Variants in RNF39 observed in about 807,000 individuals in gnomAD.
RNF39 encodes ring finger protein 39, also known as LTP (long-term potentiation) induced RING finger protein.
In RNF39, 25 loss-of-function variants were observed where a neutral mutation model predicts 29.2. The ratio of observed to expected loss-of-function variants is 0.86; its 90% CI spans 0.62 to 1.20. RNF39 has a LOEUF of 1.20. Ranked by LOEUF, RNF39 falls within the 50% of genes most tolerant of loss-of-function variation. RNF39 has a pLI of 0.00. For synonymous variants in RNF39, 219 were observed against 229.0 expected, an observed-to-expected ratio of 0.96 and a Z score of 0.40; for missense variants, 519 against 515.0, an observed-to-expected ratio of 1.01 and a Z score of -0.08.
chr6:30,073,240 ACTTCAAAT>A lies in RNF39; in HGVS notation c.387_394del (p.Phe130ProfsTer7), dbSNP rs778980162. 6 of 1,608,384 alleles carry A rather than the reference ACTTCAAAT, an allele frequency of 3.7e-6. No individual in the cohort carries two copies. The South Asian group carries it at 6.6e-5, about 18-fold the overall frequency. ...TGAATTAGATGACTTGGATGTTGGGACTTCAAATCTACACAGATGAGGGGAAGGGTCAG... is the reference window on the plus strand; with the variant it reads ...TGAATTAGATGACTTGGATGTTGGGACTACACAGATGAGGGGAAGGGTCAG... On this transcript the variant is annotated frameshift_variant and splice_region_variant, in exon 3 of 4. Coordinates refer to ENST00000244360, the MANE Select transcript of RNF39 (RefSeq NM_025236.4). LOFTEE classifies it high-confidence loss of function.
rs1159256195 is a variant in RNF39, at chr6:30,072,049, T to A, written c.479-358A>T. On this transcript the variant is annotated intron_variant, in intron 3 of 3. Transcript: ENST00000244360. The surrounding 1 kb of genome is among the most constrained non-coding windows in gnomAD (Gnocchi z 4.5). ...CGAGGGAGGAGTAAGGACTGATACC[T>A]CAATCTGCATCATCTGGGGTGGGGC... 6.6e-6 allele frequency among the ~76,000 whole-genome samples: 1 copy of A among 151,922 alleles called. No individual in the cohort carries two copies. Among genetic ancestry groups the A allele is most frequent in the Non-Finnish European group, 1.5e-5 (1 of 67,978 alleles).
Position 30,071,221 on chromosome 6 carries a change from C to G in RNF39, c.949G>C (p.Asp317His). ...RVAFYDGRSL[D>H]LLYAFQAPGP... Reference sequence around the variant, plus strand: ...GGCGCCTGGAAGGCGTAAAGCAGGTCGAGTGAGCGGCCGTCGTAGAAGGCC... The same window carrying G: ...GGCGCCTGGAAGGCGTAAAGCAGGTGGAGTGAGCGGCCGTCGTAGAAGGCC... Residue 317 changes from aspartate to histidine, a missense_variant, in exon 4 of 4, where the codon GAC (aspartate) becomes CAC (histidine). By Grantham distance (81) the Asp-to-His change is moderately conservative. Coordinates refer to ENST00000244360, the MANE Select transcript of RNF39 (RefSeq NM_025236.4). This position sits in a 1 kb window ranked among gnomAD's most constrained non-coding sequence, Gnocchi z 5.0. 6.6e-7 allele frequency: 1 copy of G among 1,513,304 alleles called. No individual in the cohort carries two copies. Among genetic ancestry groups the G allele is most frequent in the Non-Finnish European group, 8.8e-7 (1 of 1,134,206 alleles). 93.7% of individuals were successfully genotyped at this position (1,513,304 alleles called of 1,614,324 possible). A position where few individuals can be genotyped will look rare whatever the true frequency, so the allele number is the denominator to read the frequency against.
rs1477080317 is a variant in RNF39, at chr6:30,071,591, A to G, written c.579T>C (p.Pro193=). 6.8e-7 allele frequency: 1 copy of G among 1,469,542 alleles called. No homozygotes were observed. The highest frequency in any genetic ancestry group is 2.6e-5 in the Admixed American group (1 of 38,838). 91.0% of individuals were successfully genotyped at this position (1,469,542 alleles called of 1,614,324 possible). The change falls in exon 4 of 4, where the codon CCT becomes CCC. Residue 193 remains proline, a synonymous_variant. Coordinates refer to ENST00000244360, the MANE Select transcript of RNF39 (RefSeq NM_025236.4). The surrounding 1 kb of genome is among the most constrained non-coding windows in gnomAD (Gnocchi z 5.0). The part of the protein sequence containing the change: ...QLAPPGTPAP[P]DGPKRFDQLP... ...GCTGATCGAAGCGCTTGGGGCCGTC[A>G]GGGGGCGCGGGCGTCCCTGGTGGGG...
intron 2 of RNF39, 69 bp from the exon 3 acceptor site, chr6:30,073,317 C>T (rs1285589324): frequency 1.3e-6 from 2 of 1,484,898 alleles, no homozygotes; most frequent in Non-Finnish European, 9.4e-7. Context: ...ATACCCCACT[C>T]ACATCTCTGG....
chr6:30,075,408 G>C lies in RNF39; in HGVS notation c.178C>G (p.Pro60Ala), dbSNP rs906915243. ...AGGCCGCAGCAGGGACAGGCGGTGG[G>C]GGAAGCCTCGGTGCCGGTCGCCGGC... ...TPPATGTEAS[P>A]TACPCCGLPC... The change falls in exon 1 of 4, where the codon CCC (proline) becomes GCC (alanine). Residue 60 changes from proline (P) to alanine (A), a missense_variant. Pro to Ala is a conservative substitution (Grantham distance 27). Transcript: ENST00000244360. 6.4e-7 allele frequency: 1 copy of C among 1,558,228 alleles called. No individual in the cohort carries two copies. Among genetic ancestry groups the C allele is most frequent in the Non-Finnish European group, 8.7e-7 (1 of 1,155,162 alleles).
chr6:30,072,873 A>G lies in RNF39; in HGVS notation c.478+284T>C, dbSNP rs1419064777. 6.6e-6 allele frequency among the ~76,000 whole-genome samples: 1 copy of G among 152,208 alleles called. No homozygotes were observed. The highest frequency in any genetic ancestry group is 1.5e-5 in the Non-Finnish European group (1 of 68,026). On this transcript the variant is annotated intron_variant, in intron 3 of 3. Coordinates refer to ENST00000244360, the MANE Select transcript of RNF39 (RefSeq NM_025236.4). This position sits in a 1 kb window ranked among gnomAD's most constrained non-coding sequence, Gnocchi z 4.5. Reference sequence around the variant, plus strand: ...TGTGCAGACCTATCACCCAAAGAACATGTGAGGCTACCAGAGGCTAGGAGA... The same window carrying G: ...TGTGCAGACCTATCACCCAAAGAACGTGTGAGGCTACCAGAGGCTAGGAGA...
Position 30,075,409 on chromosome 6 carries a change from G to A in RNF39, c.177C>T (p.Ser59=). 1 of 1,558,374 alleles carries A rather than the reference G, an allele frequency of 6.4e-7. No individual in the cohort carries two copies. The highest frequency in any genetic ancestry group is 1.2e-5 in the South Asian group (1 of 85,982). Residue 59 remains serine, a synonymous_variant, in exon 1 of 4, where the codon TCC becomes TCT. Coordinates refer to ENST00000244360, the MANE Select transcript of RNF39 (RefSeq NM_025236.4). ...GTPPATGTEA[S]PTACPCCGLP... is the part of the protein sequence containing the mutation. ...GGCCGCAGCAGGGACAGGCGGTGGG[G>A]GAAGCCTCGGTGCCGGTCGCCGGCG...
At position 30,070,770 on chromosome 6, in the gene RNF39, T is replaced by G; in HGVS notation, c.*341A>C. The G allele has an allele frequency of 1.8e-6, 1 of 553,688 alleles. No homozygotes were observed. 34.3% of individuals were successfully genotyped at this position (553,688 alleles called of 1,614,324 possible). A position where few individuals can be genotyped will look rare whatever the true frequency, so the allele number is the denominator to read the frequency against. ...AAGTATTTGACCAGCAGAGCCTCTA[T>G]GTAGGAATCATGGTCACTTTACCAA... On this transcript the variant is annotated 3_prime_UTR_variant, in exon 4 of 4. Transcript: ENST00000244360.
Position 30,070,942 on chromosome 6 carries a change from A to T in RNF39, c.*169T>A. 1 of 727,134 alleles carries T rather than the reference A, an allele frequency of 1.4e-6. No homozygotes were observed. The highest frequency in any genetic ancestry group is 2.5e-6 in the Non-Finnish European group (1 of 403,544). The allele number at this position is 727,134 out of a possible 1,614,324, so 45.0% of individuals were successfully genotyped here. Reference sequence around the variant, plus strand: ...TTTGGTTTTGAGCAGGGACGTGGAAACGTGGAGACCAGGTGAGGTCTCATT... The same window carrying T: ...TTTGGTTTTGAGCAGGGACGTGGAATCGTGGAGACCAGGTGAGGTCTCATT... On this transcript the variant is annotated 3_prime_UTR_variant, in exon 4 of 4. Transcript: ENST00000244360.
rs150200836 is a variant in RNF39 at position 30,074,076 on chromosome 6, C to T, written c.364-598G>A. On this transcript the variant is annotated intron_variant, in intron 1 of 3. Coordinates refer to ENST00000244360, the MANE Select transcript of RNF39 (RefSeq NM_025236.4). The surrounding 1 kb of genome is among the most constrained non-coding windows in gnomAD (Gnocchi z 4.1). ...GACCCTGGCCAGGGAGGCAGCTAGA[C>T]TTGAATGTGTCCCAAAAGGCCCAGC... 2.4e-3 allele frequency among the ~76,000 whole-genome samples: 368 copies of T among 152,284 alleles called. 3 individuals carry two copies. Among genetic ancestry groups the T allele is most frequent in the African/African-American group, 7.5e-3 (313 of 41,558 alleles).
At position 30,071,802 on chromosome 6, in the gene RNF39, A is replaced by C; in HGVS notation, c.479-111T>G. 1.1e-6 allele frequency: 1 copy of C among 939,664 alleles called. No individual in the cohort carries two copies. Among genetic ancestry groups the C allele is most frequent in the East Asian group, 3.2e-5 (1 of 31,366 alleles). The allele number at this position is 939,664 out of a possible 1,614,324, so 58.2% of individuals were successfully genotyped here. ...TCACGTAAAAGACTGAGAGCTAGTG[A>C]CCACACAACAGCTCAAAAGGCGACT... is the stretch of plus-strand genomic sequence containing the variant. On this transcript the variant is annotated intron_variant, in intron 3 of 3. Transcript: ENST00000244360. The surrounding 1 kb of genome is among the most constrained non-coding windows in gnomAD (Gnocchi z 5.0).
In RNF39 at chr6:30,074,280, G is replaced by A. The variant is rs11965540; in HGVS notation, c.364-802C>T. ...TGCCAATTACTTTCAGACTAATTAG[G>A]TCTATGAAGACTTCAAAGGGCAGAA... On this transcript the variant is annotated intron_variant, in intron 1 of 3. Transcript: ENST00000244360. The surrounding 1 kb of genome is among the most constrained non-coding windows in gnomAD (Gnocchi z 4.1). Among the ~76,000 whole-genome samples the A allele has an allele frequency of 0.12, 17,986 of 152,200 alleles. 1,508 individuals carry two copies. Among genetic ancestry groups the A allele is most frequent in the African/African-American group, 0.22 (9,317 of 41,498 alleles).
At chr6:30,073,851 C>A (rs921608270) in intron 1 of RNF39, among the ~76,000 whole-genome samples, 7 of 152,148 alleles carry the variant, frequency 4.6e-5, no homozygotes, top group African/African-American at 1.4e-4. Flanking sequence ...CTGTCTCTTT[C>A]AGCGGCCCCA....
In RNF39 at chr6:30,071,600, G is replaced by A; in HGVS notation, c.570C>T (p.Pro190=). 1.4e-6 allele frequency: 2 copies of A among 1,465,098 alleles called. No individual in the cohort carries two copies. Among genetic ancestry groups the A allele is most frequent in the South Asian group, 2.7e-5 (2 of 74,724 alleles). The allele number at this position is 1,465,098 out of a possible 1,614,324, so 90.8% of individuals were successfully genotyped here. A position where few individuals can be genotyped will look rare whatever the true frequency, so the allele number is the denominator to read the frequency against. The change falls in exon 4 of 4, where the codon CCC becomes CCT. Residue 190 remains proline, a synonymous_variant. Coordinates refer to ENST00000244360, the MANE Select transcript of RNF39 (RefSeq NM_025236.4). The surrounding 1 kb of genome is among the most constrained non-coding windows in gnomAD (Gnocchi z 5.0). The part of the protein sequence containing the change: ...RSVQLAPPGT[P]APPDGPKRFD... ...AGCGCTTGGGGCCGTCAGGGGGCGC[G>A]GGCGTCCCTGGTGGGGCCAGTTGTA...
intron 3 of RNF39, 68 bp downstream of exon 3, chr6:30,073,089 G>A (rs1766118029): frequency 2.6e-6 from 3 of 1,136,858 alleles, no homozygotes; most frequent in African/African-American, 1.5e-5. Context: ...CACTTTTTAG[G>A]GCTAAAAGGA....
chr6:30,071,040 T>A lies in RNF39; in HGVS notation c.*71A>T. ...GTGTGAATGTGTTCCCAGAAATGAG[T>A]GGGGAATTCCACCCCCAAAAAGCAG... is the stretch of plus-strand genomic sequence containing the variant. On this transcript the variant is annotated 3_prime_UTR_variant, in exon 4 of 4. Coordinates refer to ENST00000244360, the MANE Select transcript of RNF39 (RefSeq NM_025236.4). This position sits in a 1 kb window ranked among gnomAD's most constrained non-coding sequence, Gnocchi z 5.0. The A allele has an allele frequency of 8.2e-7, 1 of 1,220,628 alleles. No homozygotes were observed. The highest frequency in any genetic ancestry group is 1.3e-5 in the South Asian group (1 of 77,514). The allele number at this position is 1,220,628 out of a possible 1,614,324, so 75.6% of individuals were successfully genotyped here. A position where few individuals can be genotyped will look rare whatever the true frequency, so the allele number is the denominator to read the frequency against.
Position 30,072,603 on chromosome 6 carries a change from G to T in RNF39, c.478+554C>A, listed in dbSNP as rs1766076864. ...GTATGAAAAAGGAAGAGGGAAAATG[G>T]CTGGAATATGAGGAATCGAGGATAG... On this transcript the variant is annotated intron_variant, in intron 3 of 3. Coordinates refer to ENST00000244360, the MANE Select transcript of RNF39 (RefSeq NM_025236.4). The surrounding 1 kb of genome is among the most constrained non-coding windows in gnomAD (Gnocchi z 4.5). 6.6e-6 allele frequency among the ~76,000 whole-genome samples: 1 copy of T among 152,108 alleles called. No homozygotes were observed. The highest frequency in any genetic ancestry group is 1.5e-5 in the Non-Finnish European group (1 of 68,028).
rs1339852920 is a variant in RNF39, at chr6:30,071,540, G to A, written c.630C>T (p.Gly210=). ...DQLPAVLGAQ[G]FGAGRHCWEV... ...CCCAGCAGTGGCGGCCGGCCCCGAA[G>A]CCCTGCGCACCCAGCACAGCTGGGA... Residue 210 remains glycine, a synonymous_variant, in exon 4 of 4, where the codon GGC becomes GGT. Coordinates refer to ENST00000244360, the MANE Select transcript of RNF39 (RefSeq NM_025236.4). This position sits in a 1 kb window ranked among gnomAD's most constrained non-coding sequence, Gnocchi z 5.0. The A allele has an allele frequency of 1.3e-6, 2 of 1,523,344 alleles. No individual in the cohort carries two copies. The highest frequency in any genetic ancestry group is 2.0e-5 in the Admixed American group (1 of 48,954). The allele number at this position is 1,523,344 out of a possible 1,614,324, so 94.4% of individuals were successfully genotyped here.
rs1437342369 is a variant in RNF39, at chr6:30,071,924, G to A, written c.479-233C>T. Among the ~76,000 whole-genome samples the A allele has an allele frequency of 1.3e-5, 2 of 152,168 alleles. No homozygotes were observed. The highest frequency in any genetic ancestry group is 2.9e-5 in the Non-Finnish European group (2 of 68,024). On this transcript the variant is annotated intron_variant, in intron 3 of 3. Transcript: ENST00000244360. The surrounding 1 kb of genome is among the most constrained non-coding windows in gnomAD (Gnocchi z 5.0). Reference sequence around the variant, plus strand: ...CTTCTGTAGAATTGGACCTGGGGAAGGATCATACTGGCCCAGTGCAGGGAG... The same window carrying A: ...CTTCTGTAGAATTGGACCTGGGGAAAGATCATACTGGCCCAGTGCAGGGAG...
Sources: gnomAD v4.1 joint callset for allele counts (sites outside exome capture counted in the v4.1 genomes callset) on GRCh38, gnomAD v4.1.1 for gene constraint, Gnocchi (gnomAD v3.1) non-coding constraint, MANE v1.5 for transcripts, NCBI Gene and HGNC (gene_info 2026-07-23, HGNC 2026-07-21) for gene names.